ZNF462: variants seen among roughly 807,000 people sequenced by gnomAD.
ZNF462 encodes zinc finger protein 462.
A neutral mutation model predicts 201.9 loss-of-function variants in ZNF462; 10 were observed. The ratio of observed to expected loss-of-function variants is 0.05; its 90% CI spans 0.03 to 0.08. The LOEUF (loss-of-function observed/expected upper bound fraction) is 0.08, where lower values mean the gene tolerates loss of function less well. ZNF462 is among the 10% of genes least tolerant of loss of function. ZNF462 has a pLI of 1.00. For missense variants in ZNF462, 2,523 were observed against 3,168.3 expected (o/e 0.80, Z 4.89); for synonymous variants, 1,227 against 1,193.3 (o/e 1.03, Z -0.58).
intron 7 of ZNF462, among the ~76,000 whole-genome samples, chr9:106,946,674 A>T (rs961882550): frequency 3.3e-5 from 5 of 152,150 alleles, no homozygotes; most frequent in Non-Finnish European, 5.9e-5. Context: ...TAATTTTTTT[A>T]AAAGTGTGAA....
At position 107,011,089 on chromosome 9, in the gene ZNF462, C is replaced by A; in HGVS notation, c.*59C>A. On this transcript the variant is annotated 3_prime_UTR_variant, in exon 13 of 13. Coordinates refer to ENST00000277225, the MANE Select transcript of ZNF462 (RefSeq NM_021224.6). This position sits in a 1 kb window ranked among gnomAD's most constrained non-coding sequence, Gnocchi z 5.6. Reference sequence around the variant, plus strand: ...GAACAGTGATGAAAAAGTGGGAGGGCTGGCTTGGGCTGAGAAGGGAGGGAC... The same window carrying A: ...GAACAGTGATGAAAAAGTGGGAGGGATGGCTTGGGCTGAGAAGGGAGGGAC... The A allele has an allele frequency of 6.4e-7, 1 of 1,554,220 alleles. No individual in the cohort carries two copies. The highest frequency in any genetic ancestry group is 8.8e-7 in the Non-Finnish European group (1 of 1,137,356).
rs1337180382 is a variant in ZNF462, at chr9:106,977,462, A to G, written c.6832+3189A>G. On this transcript the variant is annotated intron_variant, in intron 9 of 12. Coordinates refer to ENST00000277225, the MANE Select transcript of ZNF462 (RefSeq NM_021224.6). This position sits in a 1 kb window ranked among gnomAD's most constrained non-coding sequence, Gnocchi z 4.6. ...GCTTTTTGTCTGTATAAATTGATAT[A>G]TTTAAGTAGAGAGAGAATCTACTTC... Among the ~76,000 whole-genome samples, 1 of 151,678 alleles carries G rather than the reference A, an allele frequency of 6.6e-6. No individual in the cohort carries two copies. The highest frequency in any genetic ancestry group is 1.5e-5 in the Non-Finnish European group (1 of 68,044).
chr9:106,864,074 C>G (rs956381157), intron 1 of ZNF462, among the ~76,000 whole-genome samples: 108 of 132,572 alleles, frequency 8.1e-4, no homozygotes, highest in Middle Eastern at 3.7e-3. Flanking sequence ...CTCTCTCTCT[C>G]TCTCTCTCTC....
intron 1 of ZNF462, among the ~76,000 whole-genome samples, chr9:106,916,387 C>T (rs753558374): frequency 2.0e-5 from 3 of 152,182 alleles, no homozygotes; most frequent in Non-Finnish European, 4.4e-5. Context: ...GCTTACTCTG[C>T]GTCTTAATCA....
chr9:106,926,276 G>A lies in ZNF462; in HGVS notation c.2364G>A (p.Glu788=), dbSNP rs1564105420. 1 of 1,614,186 alleles carries A rather than the reference G, an allele frequency of 6.2e-7. No homozygotes were observed. Among genetic ancestry groups the A allele is most frequent in the Non-Finnish European group, 8.5e-7 (1 of 1,180,036 alleles). ...THDYNATNGA[E]IELTLSEDEE... is the part of the protein sequence containing the mutation. ...ATTACAATGCCACCAATGGGGCTGA[G>A]ATTGAGCTCACCCTTTCTGAAGATG... The change falls in exon 3 of 13, where the codon GAG becomes GAA. Residue 788 remains glutamate, a synonymous_variant. Coordinates refer to ENST00000277225, the MANE Select transcript of ZNF462 (RefSeq NM_021224.6). This position sits in a 1 kb window ranked among gnomAD's most constrained non-coding sequence, Gnocchi z 7.9.
intron 7 of ZNF462, among the ~76,000 whole-genome samples, chr9:106,941,828 C>T (rs1470275775): frequency 6.6e-6 from 1 of 152,126 alleles, no homozygotes; most frequent in African/African-American, 2.4e-5. Flanking sequence ...CTGGGCAGGC[C>T]CAAAGTGGGA....
At chr9:106,939,936 C>A (rs2131627129) in intron 7 of ZNF462, among the ~76,000 whole-genome samples, 1 of 152,330 alleles carries the variant, frequency 6.6e-6, no homozygotes, top group African/African-American at 2.4e-5. Flanking sequence ...TCTCTTCCAA[C>A]CCCTTCTAAT....
Position 106,928,614 on chromosome 9 carries a change from A to C in ZNF462, c.4702A>C (p.Arg1568=). Residue 1568 remains arginine (R), a synonymous_variant, in exon 3 of 13, where the codon AGG becomes CGG. Coordinates refer to ENST00000277225, the MANE Select transcript of ZNF462 (RefSeq NM_021224.6). This position sits in a 1 kb window ranked among gnomAD's most constrained non-coding sequence, Gnocchi z 9.3. Reference sequence around the variant, plus strand: ...CCAGAATGACGTGGAGGAGACGAGCAGGATCTTCAAGCAAGGGTATGGCGC... The same window carrying C: ...CCAGAATGACGTGGAGGAGACGAGCCGGATCTTCAAGCAAGGGTATGGCGC... The part of the protein sequence containing the change: ...ISQNDVEETS[R]IFKQGYGAYR... 6.2e-7 allele frequency: 1 copy of C among 1,614,192 alleles called. No individual in the cohort carries two copies. The highest frequency in any genetic ancestry group is 2.2e-5 in the East Asian group (1 of 44,878).
rs965365124 is a variant in ZNF462, at chr9:106,966,203, G to A, written c.6428-5802G>A. Among the ~76,000 whole-genome samples, 1 of 151,948 alleles carries A rather than the reference G, an allele frequency of 6.6e-6. No individual in the cohort carries two copies. The highest frequency in any genetic ancestry group is 1.5e-5 in the Non-Finnish European group (1 of 67,966). On this transcript the variant is annotated intron_variant, in intron 7 of 12. Transcript: ENST00000277225. This position sits in a 1 kb window ranked among gnomAD's most constrained non-coding sequence, Gnocchi z 4.4. Reference sequence around the variant, plus strand: ...ACTTCCTATGCTATTTTAGAACTTGGCGATTTTAAATTGTCCCTTACACAA... The same window carrying A: ...ACTTCCTATGCTATTTTAGAACTTGACGATTTTAAATTGTCCCTTACACAA...
intron 1 of ZNF462, among the ~76,000 whole-genome samples, chr9:106,891,415 A>T (rs1470277641): frequency 2.0e-5 from 3 of 152,042 alleles, no homozygotes; most frequent in African/African-American, 7.2e-5. Flanking sequence ...GTTGGCGGAG[A>T]CATACAATAG....
At chr9:106,934,839 TG>T (rs1336342358) in intron 5 of ZNF462, among the ~76,000 whole-genome samples, 1 of 152,170 alleles carries the variant, frequency 6.6e-6, no homozygotes, top group Non-Finnish European at 1.5e-5. Flanking sequence ...ATAACTCCCT[TG>T]TAAATTGCTT....
At chr9:106,973,539 C>G (rs192801910) in intron 8 of ZNF462, among the ~76,000 whole-genome samples, 1 of 152,174 alleles carries the variant, frequency 6.6e-6, no homozygotes, top group Non-Finnish European at 1.5e-5. Context: ...AGGGTCCCTG[C>G]CCATTAAAGT....
intron 1 of ZNF462, among the ~76,000 whole-genome samples, chr9:106,897,212 A>G (rs1828849428): frequency 6.6e-6 from 1 of 152,202 alleles, no homozygotes; most frequent in African/African-American, 2.4e-5. Flanking sequence ...TCATTTTTCT[A>G]TATTTATATA....
rs1826655587 is a variant in ZNF462, at chr9:106,972,192, C to T, written c.6615C>T (p.Ser2205=). 3 of 1,614,140 alleles carry T rather than the reference C, an allele frequency of 1.9e-6. No individual in the cohort carries two copies. Among genetic ancestry groups the T allele is most frequent in the Non-Finnish European group, 2.5e-6 (3 of 1,180,054 alleles). ...FCEFSSGYIQ[S]IRRHYRDKHG... is the part of the protein sequence containing the mutation. ...AATTCTCCTCCGGCTACATCCAGAG[C>T]ATCAGGCGTCATTACCGGGACAAGC... The change falls in exon 8 of 13, where the codon AGC becomes AGT. Residue 2205 remains serine (S), a synonymous_variant. Transcript: ENST00000277225. This position sits in a 1 kb window ranked among gnomAD's most constrained non-coding sequence, Gnocchi z 4.8.
intron 1 of ZNF462, among the ~76,000 whole-genome samples, chr9:106,915,628 G>C (rs759274641): frequency 2.0e-5 from 3 of 152,164 alleles, no homozygotes; most frequent in Admixed American, 1.3e-4. Flanking sequence ...GGGCCAGTTG[G>C]TTAGTTTGAT....
Position 107,010,624 on chromosome 9 carries a change from T to C in ZNF462, c.7314-199T>C, listed in dbSNP as rs1245011137. Among the ~76,000 whole-genome samples the C allele has an allele frequency of 2.0e-5, 3 of 152,136 alleles. No individual in the cohort carries two copies. The highest frequency in any genetic ancestry group is 4.8e-5 in the African/African-American group (2 of 41,426). On this transcript the variant is annotated intron_variant, in intron 12 of 12. Coordinates refer to ENST00000277225, the MANE Select transcript of ZNF462 (RefSeq NM_021224.6). The surrounding 1 kb of genome is among the most constrained non-coding windows in gnomAD (Gnocchi z 4.6). ...AGTTCAAATCTTTAAGATACAGAAA[T>C]ATATGACTTAAGCAAAACATAGCAG...
chr9:106,890,126 T>TTGTATATATTCTGCCTAAAAG lies in ZNF462; in HGVS notation c.-31+26773_-31+26793dup. On this transcript the variant is annotated intron_variant, in intron 1 of 12. Coordinates refer to ENST00000277225, the MANE Select transcript of ZNF462 (RefSeq NM_021224.6). The surrounding 1 kb of genome is among the most constrained non-coding windows in gnomAD (Gnocchi z 4.2). Reference sequence around the variant, plus strand: ...GGATTCTTAGACTAGGCATACATCATTGTATATATTCTGCCTAAAAGTTTG... The same window carrying TTGTATATATTCTGCCTAAAAG: ...GGATTCTTAGACTAGGCATACATCATTGTATATATTCTGCCTAAAAGTGTATATATTCTGCCTAAAAGTTTG... Among the ~76,000 whole-genome samples, 1 of 152,340 alleles carries TTGTATATATTCTGCCTAAAAG rather than the reference T, an allele frequency of 6.6e-6. No homozygotes were observed. The highest frequency in any genetic ancestry group is 1.9e-4 in the East Asian group (1 of 5,188).
chr9:106,904,882 A>T lies in ZNF462; in HGVS notation c.-30-18472A>T, dbSNP rs185397719. On this transcript the variant is annotated intron_variant, in intron 1 of 12. Transcript: ENST00000277225. ...ACCTTTCTCTGGTCTCGCCCTGATTAGCTTAATAACTAACCTCCTGAATTC... is the reference window on the plus strand; with the variant it reads ...ACCTTTCTCTGGTCTCGCCCTGATTTGCTTAATAACTAACCTCCTGAATTC... 4.3e-3 allele frequency among the ~76,000 whole-genome samples: 650 copies of T among 152,136 alleles called. 5 individuals are homozygous for T. Among genetic ancestry groups the T allele is most frequent in the African/African-American group, 0.015 (617 of 41,446 alleles).
In ZNF462 at chr9:106,925,552, C is replaced by T. The variant is rs528051946; in HGVS notation, c.1640C>T (p.Pro547Leu). Residue 547 changes from proline (P) to leucine (L), a missense_variant, in exon 3 of 13, where the codon CCA (proline) becomes CTA (leucine). This residue lies in a region of ZNF462 where 383 missense variants were observed against 453.4 expected (regional missense o/e 0.84). Transcript: ENST00000277225. This position sits in a 1 kb window ranked among gnomAD's most constrained non-coding sequence, Gnocchi z 7.9. The stretch of plus-strand genomic sequence containing the variant: ...CAGCAACAGCCACCGCAGCCACCAC[C>T]ACCGCCGCCGCCACCACCACCATCA... ...LQQQQPPQPP[P>L]PPPPPPPSQP... 5.1e-5 allele frequency: 83 copies of T among 1,612,382 alleles called. No homozygotes were observed. The South Asian group carries it at 8.6e-4, about 17-fold the overall frequency.
Sources: allele counts gnomAD v4.1 joint callset (sites outside exome capture counted in the v4.1 genomes callset), GRCh38; gene constraint gnomAD v4.1.1; regional missense constraint gnomAD v4.1.1; non-coding constraint Gnocchi (gnomAD v3.1); transcripts MANE v1.5; gene names NCBI Gene and HGNC (gene_info 2026-07-23, HGNC 2026-07-21).